Variants in MBTPS1 observed in about 807,000 individuals in gnomAD.
MBTPS1 encodes the protein membrane bound transcription factor peptidase, site 1.
MBTPS1 carries 94 observed loss-of-function variants against 127.8 expected under a neutral mutation model. That is an observed-to-expected ratio of 0.74 (90% confidence interval 0.62 to 0.87). The LOEUF (loss-of-function observed/expected upper bound fraction) is 0.87. Among genes scored for constraint, MBTPS1 ranks in the 40% least tolerant of loss-of-function variants. The pLI is 0.00. For synonymous variants in MBTPS1, 632 were observed against 509.4 expected, an observed-to-expected ratio of 1.24 and a Z score of -3.24; for missense variants, 1,636 against 1,353.2, an observed-to-expected ratio of 1.21 and a Z score of -3.28.
chr16:84,076,284 A>T (rs1441770236), intron 11 of MBTPS1, among the ~76,000 whole-genome samples: 3 of 151,806 alleles, frequency 2.0e-5, no homozygotes, highest in African/African-American at 7.3e-5. Context: ...CACAATAAAA[A>T]ATATATACAT....
intron 18 of MBTPS1, 53 bp downstream of exon 18, chr16:84,065,636 GA>G: frequency 6.0e-6 from 7 of 1,157,744 alleles, no homozygotes; most frequent in South Asian, 1.2e-5. Flanking sequence ...AGAAGCGGGG[GA>G]AAAGGGAGCG....
intron 9 of MBTPS1, among the ~76,000 whole-genome samples, chr16:84,086,928 T>C (rs2086036606): frequency 2.0e-5 from 3 of 152,170 alleles, no homozygotes; most frequent in Non-Finnish European, 4.4e-5. Flanking sequence ...TTAGCAGAGT[T>C]GATATTAAGC....
intron 22 of MBTPS1, 92 bp downstream of exon 22, chr16:84,055,913 A>G (rs1597296226): frequency 1.4e-6 from 2 of 1,396,146 alleles, no homozygotes; most frequent in East Asian, 4.7e-5. Flanking sequence ...AGAGACAGGG[A>G]GAGTCTGGCC....
In MBTPS1 at chr16:84,066,524, A is replaced by G. The variant is rs1265556756; in HGVS notation, c.2318T>C (p.Leu773Pro). 1 of 1,614,110 alleles carries G rather than the reference A, an allele frequency of 6.2e-7. No homozygotes were observed. The highest frequency in any genetic ancestry group is 8.5e-7 in the Non-Finnish European group (1 of 1,179,984). The part of the protein sequence containing the change: ...SVWNMGFSDG[L>P]YEGEFTLANH... ...GGCCAGGGTGAACTCCCCTTCATAC[A>G]GGCCATCGCTGAACCCCATGTTCCA... Residue 773 changes from leucine to proline, a missense_variant, in exon 17 of 23, where the codon CTG (leucine) becomes CCG (proline). By Grantham distance (98) the Leu-to-Pro change is moderately conservative (BLOSUM62 -3). Transcript: ENST00000343411.
intron 8 of MBTPS1, among the ~76,000 whole-genome samples, chr16:84,090,104 C>A (rs866595841): frequency 1.3e-5 from 2 of 152,194 alleles, no homozygotes; most frequent in South Asian, 4.1e-4. Flanking sequence ...GATATGCAAA[C>A]ATGAACTTCA....
chr16:84,105,100 C>T (rs1271500856), intron 1 of MBTPS1, among the ~76,000 whole-genome samples: 2 of 148,980 alleles, frequency 1.3e-5, no homozygotes, highest in East Asian at 3.9e-4. Context: ...GAGACTCTGT[C>T]TCAAAAAAAA....
chr16:84,108,055 G>C (rs11648491), intron 1 of MBTPS1, among the ~76,000 whole-genome samples: 70,826 of 151,418 alleles, frequency 0.47, 18,755 homozygotes, highest in Non-Finnish European at 0.58. Flanking sequence ...AAGTCAGTGA[G>C]GCTTTGCAAG....
At chr16:84,090,389 A>G (rs1597336361) in intron 8 of MBTPS1, among the ~76,000 whole-genome samples, 1 of 152,086 alleles carries the variant, frequency 6.6e-6, no homozygotes, top group African/African-American at 2.4e-5. Flanking sequence ...CTCCCAAAGC[A>G]CCGGCCATGT....
chr16:84,069,691 CAA>C (rs1260586616), intron 14 of MBTPS1, among the ~76,000 whole-genome samples, 173 bp downstream of exon 14: 4 of 152,178 alleles, frequency 2.6e-5, no homozygotes, highest in Non-Finnish European at 5.9e-5. Flanking sequence ...GTGAAAGTTT[CAA>C]AAGAGAAGTC....
rs568305268 is a variant in MBTPS1, at chr16:84,054,919, G to A, written c.2963-274C>T. ...GGGATCCCCGCAGACGGATGATCAG[G>A]CCCAGCTATGCTTCTGTCACAACCT... On this transcript the variant is annotated intron_variant, in intron 22 of 22. Transcript: ENST00000343411. 3.3e-5 allele frequency among the ~76,000 whole-genome samples: 5 copies of A among 152,284 alleles called. No individual in the cohort carries two copies. In the South Asian group the frequency reaches 1.0e-3, roughly 32 times the overall value.
rs528633211 is a variant in MBTPS1, at chr16:84,083,754, G to A, written c.1286+1229C>T. 1.3e-4 allele frequency among the ~76,000 whole-genome samples: 20 copies of A among 152,182 alleles called. No homozygotes were observed. In the South Asian group the frequency reaches 1.7e-3, roughly 13 times the overall value. On this transcript the variant is annotated intron_variant, in intron 10 of 22. Coordinates refer to ENST00000343411, the MANE Select transcript of MBTPS1 (RefSeq NM_003791.4). ...TTAGCATAGAATAACTTCCAAATACGCAGAGTTTTGTGTGTTATCACAACA... is the reference window on the plus strand; with the variant it reads ...TTAGCATAGAATAACTTCCAAATACACAGAGTTTTGTGTGTTATCACAACA...
intron 10 of MBTPS1, among the ~76,000 whole-genome samples, chr16:84,083,987 TGTTGCTCTGTCACCCAG>T (rs2085981306): frequency 6.6e-6 from 1 of 152,092 alleles, no homozygotes; most frequent in East Asian, 1.9e-4. Flanking sequence ...TGAGACAGAG[TGTTGCTCTGTCACCCAG>T]GCTGGAGTGC....
chr16:84,106,634 G>A (rs73252619), intron 1 of MBTPS1, among the ~76,000 whole-genome samples: 6,540 of 152,288 alleles, frequency 0.043, 458 homozygotes, highest in African/African-American at 0.15. Context: ...TCACAGAAAG[G>A]ACTTCAGCTT....
chr16:84,055,570 G>C (rs575861220), intron 22 of MBTPS1, among the ~76,000 whole-genome samples: 1 of 152,330 alleles, frequency 6.6e-6, no homozygotes, highest in African/African-American at 2.4e-5. Context: ...CCCTCCCAGG[G>C]GGGCAGGGCA....
chr16:84,073,907 G>A (rs933041033), intron 12 of MBTPS1, among the ~76,000 whole-genome samples: 5 of 152,146 alleles, frequency 3.3e-5, no homozygotes, highest in Admixed American at 1.3e-4. Flanking sequence ...CTGGGAGGCT[G>A]AGCCAGTAGA....
At chr16:84,072,524 G>T (rs1055756186) in intron 12 of MBTPS1, among the ~76,000 whole-genome samples, 1 of 152,206 alleles carries the variant, frequency 6.6e-6, no homozygotes, top group Admixed American at 6.5e-5. Flanking sequence ...AGGCGCGATG[G>T]CTCACACCTG....
chr16:84,107,847 A>G (rs1245849882), intron 1 of MBTPS1, among the ~76,000 whole-genome samples: 2 of 150,850 alleles, frequency 1.3e-5, no homozygotes, highest in African/African-American at 4.9e-5. Context: ...ACGGACTACA[A>G]TACGGCACTA....
In MBTPS1 at chr16:84,058,982, C is replaced by T. The variant is rs568077026; in HGVS notation, c.2831+320G>A. Among the ~76,000 whole-genome samples, 9 of 152,300 alleles carry T rather than the reference C, an allele frequency of 5.9e-5. No individual in the cohort carries two copies. In the South Asian group the frequency reaches 1.5e-3, roughly 25 times the overall value. The stretch of plus-strand genomic sequence containing the variant: ...TCTGAAACAGGGAACACACTGCAGC[C>T]GGCAGCTCTTAACTCCCCAACCACA... On this transcript the variant is annotated intron_variant, in intron 21 of 22. Coordinates refer to ENST00000343411, the MANE Select transcript of MBTPS1 (RefSeq NM_003791.4).
intron 8 of MBTPS1, among the ~76,000 whole-genome samples, chr16:84,090,040 C>T (rs968468674): frequency 2.0e-5 from 3 of 152,186 alleles, no homozygotes; most frequent in Non-Finnish European, 4.4e-5. Context: ...GGTTCACGAT[C>T]ATTTACTCAA....
Sources: allele counts gnomAD v4.1 joint callset (sites outside exome capture counted in the v4.1 genomes callset), GRCh38; gene constraint gnomAD v4.1.1; transcripts MANE v1.5; gene names NCBI Gene and HGNC (gene_info 2026-07-23, HGNC 2026-07-21).